The following TTC23L variants were observed in gnomAD, a reference collection of about 807,000 sequenced individuals.
The protein encoded by TTC23L is tetratricopeptide repeat domain 23 like, also known as tetratricopeptide repeat protein 23-like.
Under a neutral mutation model 48.1 loss-of-function variants are expected in TTC23L, and 42 were observed. The ratio of observed to expected loss-of-function variants is 0.87; its 90% CI spans 0.68 to 1.13. TTC23L has a LOEUF of 1.13. Ranked by LOEUF, TTC23L falls within the 50% of genes most tolerant of loss-of-function variation. The pLI is 0.00. For synonymous variants in TTC23L, 159 were observed against 157.2 expected (o/e 1.01, Z -0.09); for missense variants, 391 against 421.0 (o/e 0.93, Z 0.62).
chr5:34,840,237 C>CCCG (rs1758505213), intron 1 of TTC23L, among the ~76,000 whole-genome samples: 1 of 43,612 alleles, frequency 2.3e-5, no homozygotes, highest in Admixed American at 3.0e-4. Context: ...GAAATGACCC[C>CCCG]GGGGGGGGGG....
downstream of TTC23L, among the ~76,000 whole-genome samples, chr5:34,899,897 C>CA (rs1370355671): frequency 6.6e-6 from 1 of 151,692 alleles, no homozygotes; most frequent in Non-Finnish European, 1.5e-5. Context: ...TCAAAAAAAA[C>CA]AAACAAAAAA....
chr5:34,910,292 T>C, the TTC23L span, among the ~76,000 whole-genome samples: 180 of 152,256 alleles, frequency 1.2e-3, no homozygotes, highest in African/African-American at 4.2e-3. Flanking sequence ...TGAAATACTG[T>C]TTTAAGTACC....
the TTC23L span, chr5:34,922,357 T>C: frequency 1.6e-5 from 17 of 1,040,044 alleles, no homozygotes; most frequent in East Asian, 2.6e-4. Context: ...TTTTATGTTA[T>C]AGACTCCTAG....
intron 10 of TTC23L, among the ~76,000 whole-genome samples, chr5:34,897,076 C>T (rs527913688): frequency 3.4e-4 from 51 of 152,008 alleles, no homozygotes; most frequent in African/African-American, 1.2e-3. Context: ...TGAAGGGCTT[C>T]TCAGGACTTT....
In TTC23L at chr5:34,848,367, CT is replaced by C. The variant is rs532137560; in HGVS notation, c.256-1817del. Among the ~76,000 whole-genome samples, 529 of 152,266 alleles carry C rather than the reference CT, an allele frequency of 3.5e-3. 1 individual carries two copies. Among genetic ancestry groups the C allele is most frequent in the Middle Eastern group, 0.014 (4 of 294 alleles). ...TTTCCCCAACCCATCTTTAACCTTG[CT>C]AATAAATGATTCATTCAGCAAATAT... On this transcript the variant is annotated intron_variant, in intron 3 of 10. Transcript: ENST00000505624.
chr5:34,908,977 T>C, the TTC23L span: 2 of 1,565,680 alleles, frequency 1.3e-6, no homozygotes, highest in South Asian at 1.2e-5. Context: ...AACGCTGTTA[T>C]ATCAACACAG....
intron 3 of TTC23L, among the ~76,000 whole-genome samples, chr5:34,848,721 C>T (rs336492): frequency 0.58 from 88,209 of 151,778 alleles, 25,960 homozygotes; most frequent in Middle Eastern, 0.64. Flanking sequence ...TGGAAGTTAG[C>T]TGGTGATGTT....
intron 3 of TTC23L, 37 bp downstream of exon 3, chr5:34,845,710 TA>T (rs764147833): frequency 1.8e-5 from 29 of 1,569,784 alleles, no homozygotes; most frequent in Non-Finnish European, 2.5e-5. Flanking sequence ...TGTTTCCATT[TA>T]AAAATATGTT....
At chr5:34,866,218 C>T (rs1019601559) in intron 6 of TTC23L, among the ~76,000 whole-genome samples, 7 of 152,216 alleles carry the variant, frequency 4.6e-5, no homozygotes, top group African/African-American at 1.7e-4. Context: ...TGTGATACCA[C>T]CACACAGACG....
chr5:34,910,764 A>G, the TTC23L span, among the ~76,000 whole-genome samples: 2 of 152,332 alleles, frequency 1.3e-5, no homozygotes, highest in South Asian at 4.1e-4. Context: ...AGTTACAAAA[A>G]GAATACCTTA....
chr5:34,869,137 A>C, intron 8 of TTC23L, 124 bp downstream of exon 8: 1 of 717,866 alleles, frequency 1.4e-6, no homozygotes, highest in Non-Finnish European at 2.4e-6. Context: ...GGTGGGTCAC[A>C]GTCTCATACA....
chr5:34,877,676 G>T (rs933437746), intron 8 of TTC23L, among the ~76,000 whole-genome samples: 3 of 152,006 alleles, frequency 2.0e-5, no homozygotes, highest in Admixed American at 2.0e-4. Context: ...CACCCACCTC[G>T]GCCTCCCAAA....
At chr5:34,865,231 T>G (rs565071961) in intron 6 of TTC23L, among the ~76,000 whole-genome samples, 2 of 152,334 alleles carry the variant, frequency 1.3e-5, no homozygotes, top group African/African-American at 4.8e-5. Context: ...TCAAATATCT[T>G]TACATCCTTG....
At chr5:34,858,406 C>A (rs995710960) in intron 4 of TTC23L, among the ~76,000 whole-genome samples, 1 of 152,010 alleles carries the variant, frequency 6.6e-6, no homozygotes, top group Non-Finnish European at 1.5e-5. Context: ...TGAATTTTTT[C>A]AAGTAGTATG....
intron 4 of TTC23L, among the ~76,000 whole-genome samples, chr5:34,859,123 C>T (rs920030772): frequency 2.6e-5 from 4 of 152,138 alleles, no homozygotes; most frequent in Admixed American, 6.5e-5. Flanking sequence ...AGTGTCCGCT[C>T]ATTTGGGGTG....
chr5:34,886,240 T>C (rs983706113), intron 9 of TTC23L, among the ~76,000 whole-genome samples: 2 of 152,034 alleles, frequency 1.3e-5, no homozygotes, highest in African/African-American at 2.4e-5. Flanking sequence ...TAATACAAAT[T>C]ACTTAGGTGA....
chr5:34,842,470 A>G (rs2150340083), intron 2 of TTC23L, among the ~76,000 whole-genome samples: 1 of 152,308 alleles, frequency 6.6e-6, no homozygotes, highest in South Asian at 2.1e-4. Flanking sequence ...TGGGAATAAA[A>G]GACAAGAGAC....
At chr5:34,877,308 T>C (rs1761917610) in intron 8 of TTC23L, among the ~76,000 whole-genome samples, 1 of 151,196 alleles carries the variant, frequency 6.6e-6, no homozygotes, top group Non-Finnish European at 1.5e-5. Flanking sequence ...CAGGGGGATT[T>C]CCTCAGCCTG....
chr5:34,900,272 T>C (rs1395257577), downstream of TTC23L, among the ~76,000 whole-genome samples: 1 of 152,106 alleles, frequency 6.6e-6, no homozygotes, highest in African/African-American at 2.4e-5. Flanking sequence ...ACATATTTTG[T>C]ATGTTATATG....
Sources: allele counts gnomAD v4.1 joint callset (sites outside exome capture counted in the v4.1 genomes callset), GRCh38; gene constraint gnomAD v4.1.1; transcripts MANE v1.5; gene names NCBI Gene and HGNC (gene_info 2026-07-23, HGNC 2026-07-21).